The following KDM4C variants were observed in gnomAD, a reference collection of about 807,000 sequenced individuals.
KDM4C encodes lysine demethylase 4C, also known as lysine-specific demethylase 4C.
Under a neutral mutation model 129.3 loss-of-function variants are expected in KDM4C, and 81 were observed. The ratio of observed to expected loss-of-function variants is 0.63; its 90% confidence interval spans 0.52 to 0.75. The LOEUF (loss-of-function observed/expected upper bound fraction) is 0.75. Among genes scored for constraint, KDM4C ranks in the 30% least tolerant of loss-of-function variants. The probability of loss-of-function intolerance (pLI) is 0.00; values close to 1 mark genes in which losing one functional copy is unlikely to be tolerated. For missense variants in KDM4C, 1,457 were observed against 1,304.0 expected (o/e 1.12, Z -1.81); for synonymous variants, 573 against 456.1 (o/e 1.26, Z -3.26).
At chr9:6,938,955 G>T (rs550217417) in intron 8 of KDM4C, among the ~76,000 whole-genome samples, 1 of 151,948 alleles carries the variant, frequency 6.6e-6, no homozygotes, top group African/African-American at 2.4e-5. Context: ...TATATTTGTT[G>T]TTCTGTCTGT....
In KDM4C at chr9:7,011,401, GA is replaced by G. The variant is rs201039865; in HGVS notation, c.1787-295del. On this transcript the variant is annotated intron_variant, in intron 12 of 21. Coordinates refer to ENST00000381309, the MANE Select transcript of KDM4C (RefSeq NM_015061.6). ...CTTTTACCGTAGCAGTAGAGACACG[GA>G]AGAAGTAATGTGGGAAGGAGGGAAC... Among the ~76,000 whole-genome samples, 857 of 152,250 alleles carry G rather than the reference GA, an allele frequency of 5.6e-3. 13 individuals carry two copies. Among genetic ancestry groups the G allele is most frequent in the African/African-American group, 0.019 (777 of 41,542 alleles).
At chr9:6,811,899 A>G (rs1425914132) in intron 3 of KDM4C, among the ~76,000 whole-genome samples, 1 of 152,110 alleles carries the variant, frequency 6.6e-6, no homozygotes, top group Non-Finnish European at 1.5e-5. Context: ...GCAAATTTAC[A>G]CTGGATTTGT....
Position 6,880,055 on chromosome 9 carries a change from G to A in KDM4C, c.673G>A (p.Ala225Thr), listed in dbSNP as rs1490550881. The change falls in exon 6 of 22, where the codon GCT (alanine) becomes ACT (threonine). Residue 225 changes from alanine to threonine, a missense_variant. Physicochemically the swap from Ala to Thr is moderately conservative, Grantham distance 58. Transcript: ENST00000381309. ...PEHGKRLERL[A>T]QGFFPSSSQG... ...GCATGGAAAACGACTTGAAAGACTAGCTCAAGGTAAAACTTGCTTTTTAAA... is the reference window on the plus strand; with the variant it reads ...GCATGGAAAACGACTTGAAAGACTAACTCAAGGTAAAACTTGCTTTTTAAA... 1 of 1,596,354 alleles carries A rather than the reference G, an allele frequency of 6.3e-7. No individual in the cohort carries two copies. The highest frequency in any genetic ancestry group is 1.1e-5 in the South Asian group (1 of 89,080).
At chr9:6,889,941 G>A (rs1189949895) in intron 7 of KDM4C, among the ~76,000 whole-genome samples, 1 of 152,128 alleles carries the variant, frequency 6.6e-6, no homozygotes, top group Non-Finnish European at 1.5e-5. Context: ...ATGGTAGATC[G>A]CTGGAGGCAT....
chr9:6,835,670 TTTG>T (rs1405416421), intron 4 of KDM4C: 2 of 729,032 alleles, frequency 2.7e-6, no homozygotes, highest in East Asian at 2.5e-5. Context: ...TATTTTTTGT[TTTG>T]TTTTGTTTTT....
chr9:7,146,881 TTCTC>T (rs1842266356), intron 19 of KDM4C, among the ~76,000 whole-genome samples: 1 of 152,208 alleles, frequency 6.6e-6, no homozygotes, highest in Non-Finnish European at 1.5e-5. Flanking sequence ...GTAGCCTCCT[TTCTC>T]TCGTAGTCAG....
chr9:6,896,359 G>A (rs1181677853), intron 8 of KDM4C, among the ~76,000 whole-genome samples: 1 of 152,090 alleles, frequency 6.6e-6, no homozygotes, highest in African/African-American at 2.4e-5. Context: ...TTTATTGAAT[G>A]TGTATAAGTA....
chr9:6,781,672 G>A (rs1824360696), intron 1 of KDM4C, among the ~76,000 whole-genome samples: 1 of 152,144 alleles, frequency 6.6e-6, no homozygotes, highest in South Asian at 2.1e-4. Flanking sequence ...ACACTTGTTT[G>A]CATTATGAGA....
At chr9:6,748,300 G>C (rs1817950667) in intron 1 of KDM4C, among the ~76,000 whole-genome samples, 1 of 152,106 alleles carries the variant, frequency 6.6e-6, no homozygotes, top group African/African-American at 2.4e-5. Context: ...CTGAGGTCGG[G>C]AGTTCAAGAC....
chr9:6,784,455 C>T (rs765399206), intron 1 of KDM4C, among the ~76,000 whole-genome samples: 5 of 152,138 alleles, frequency 3.3e-5, no homozygotes, highest in African/African-American at 7.2e-5. Flanking sequence ...TCGTTGTGAA[C>T]TCCTGACCTC....
chr9:6,987,538 GCTGA>G (rs1173375347), intron 11 of KDM4C, among the ~76,000 whole-genome samples: 1 of 152,150 alleles, frequency 6.6e-6, no homozygotes, highest in Non-Finnish European at 1.5e-5. Flanking sequence ...AATTGTTTGA[GCTGA>G]TAGGTTGCGC....
chr9:6,932,468 G>A (rs1240188565), intron 8 of KDM4C, among the ~76,000 whole-genome samples: 2 of 152,094 alleles, frequency 1.3e-5, no homozygotes, highest in Admixed American at 1.3e-4. Context: ...CCATACATTT[G>A]GGTCATAGGG....
intron 5 of KDM4C, among the ~76,000 whole-genome samples, chr9:6,856,978 C>T (rs1056345165): frequency 3.3e-5 from 5 of 152,160 alleles, no homozygotes; most frequent in Admixed American, 2.0e-4. Context: ...AGGATGGTCT[C>T]GATCTCCTGA....
At chr9:7,054,862 G>T (rs1246632699) in intron 17 of KDM4C, among the ~76,000 whole-genome samples, 1 of 152,150 alleles carries the variant, frequency 6.6e-6, no homozygotes, top group Non-Finnish European at 1.5e-5. Context: ...ACTCTATTTG[G>T]AGATAAAGTT....
chr9:6,800,769 G>A (rs1828797865), intron 2 of KDM4C, among the ~76,000 whole-genome samples: 1 of 152,050 alleles, frequency 6.6e-6, no homozygotes, highest in African/African-American at 2.4e-5. Flanking sequence ...TAGGACTATA[G>A]GCGTGTGCCA....
chr9:6,752,375 G>A (rs1358370521), intron 1 of KDM4C, among the ~76,000 whole-genome samples: 2 of 142,430 alleles, frequency 1.4e-5, no homozygotes, highest in African/African-American at 5.2e-5. Flanking sequence ...AGGAGGAACA[G>A]GTAAAACAAA....
At chr9:7,169,018 C>T (rs1844682107) in intron 20 of KDM4C, among the ~76,000 whole-genome samples, 1 of 147,010 alleles carries the variant, frequency 6.8e-6, no homozygotes, top group African/African-American at 2.5e-5. Context: ...GCACTCTAGC[C>T]TGAGCAACAG....
At chr9:7,073,696 TA>T (rs1174299317) in intron 17 of KDM4C, among the ~76,000 whole-genome samples, 2 of 152,242 alleles carry the variant, frequency 1.3e-5, no homozygotes, top group African/African-American at 4.8e-5. Flanking sequence ...CCTTGGGAGA[TA>T]TAGGCTGCAG....
intron 17 of KDM4C, among the ~76,000 whole-genome samples, chr9:7,073,529 A>C (rs1428982876): frequency 6.6e-6 from 1 of 152,238 alleles, no homozygotes; most frequent in Non-Finnish European, 1.5e-5. Context: ...GGCTGAAAAC[A>C]AACATGGAGA....
Sources: gnomAD v4.1 joint callset for allele counts (sites outside exome capture counted in the v4.1 genomes callset) on GRCh38, gnomAD v4.1.1 for gene constraint, MANE v1.5 for transcripts, NCBI Gene and HGNC (gene_info 2026-07-23, HGNC 2026-07-21) for gene names.